Variants in SORCS2 observed in about 807,000 individuals in gnomAD.
SORCS2 encodes VPS10 domain-containing receptor SorCS2.
SORCS2 carries 100 observed loss-of-function variants against 141.6 expected under a neutral mutation model. The observed-to-expected ratio is 0.71, with a 90% CI of 0.60 to 0.83. The LOEUF (loss-of-function observed/expected upper bound fraction) is 0.83, where lower values mean the gene tolerates loss of function less well. Ranked by LOEUF, SORCS2 falls within the 40% of genes least tolerant of loss-of-function variation. SORCS2 has a pLI of 0.00. For synonymous variants in SORCS2, 789 were observed against 676.9 expected, an observed-to-expected ratio of 1.17 and a Z score of -2.57; for missense variants, 1,646 against 1,560.2, an observed-to-expected ratio of 1.05 and a Z score of -0.93.
chr4:7,383,109 G>A lies in SORCS2; in HGVS notation c.481-13179G>A, dbSNP rs990417286. Among the ~76,000 whole-genome samples, 10 of 152,228 alleles carry A rather than the reference G, an allele frequency of 6.6e-5. 1 individual carries two copies. The South Asian group carries it at 1.9e-3, about 28-fold the overall frequency. On this transcript the variant is annotated intron_variant, in intron 1 of 26. Transcript: ENST00000507866. ...TGCCCCGCGGGGCTGCTGAGGGGCG[G>A]ATTTCAAAACAGGGCCTCGTGTCAT...
chr4:7,293,253 G>A (rs1348605664), intron 1 of SORCS2, among the ~76,000 whole-genome samples: 1 of 151,138 alleles, frequency 6.6e-6, no homozygotes, highest in East Asian at 2.0e-4. Flanking sequence ...GCAGTGAGCC[G>A]AGATCGCGCC....
chr4:7,277,525 T>C (rs1223732908), intron 1 of SORCS2, among the ~76,000 whole-genome samples: 2 of 152,154 alleles, frequency 1.3e-5, no homozygotes, highest in Admixed American at 6.5e-5. Flanking sequence ...CCTTTGGGCT[T>C]GGGAATTTCT....
intron 1 of SORCS2, among the ~76,000 whole-genome samples, chr4:7,290,521 C>T (rs1577360133): frequency 6.6e-6 from 1 of 152,166 alleles, no homozygotes; most frequent in Non-Finnish European, 1.5e-5. Context: ...CTTCATTTCT[C>T]CAGGTCTTTA....
chr4:7,529,923 C>T (rs1394525560), intron 2 of SORCS2, among the ~76,000 whole-genome samples: 2 of 152,170 alleles, frequency 1.3e-5, no homozygotes, highest in South Asian at 2.1e-4. Flanking sequence ...CCCCGCCATC[C>T]TGGGGAGGGG....
intron 1 of SORCS2, among the ~76,000 whole-genome samples, chr4:7,259,926 G>T (rs1333999787): frequency 2.0e-5 from 3 of 152,242 alleles, no homozygotes; most frequent in Non-Finnish European, 4.4e-5. Flanking sequence ...AGCCTGTTGG[G>T]CAGGACAGAG....
chr4:7,658,679 C>A (rs1721957588), intron 5 of SORCS2, among the ~76,000 whole-genome samples: 1 of 152,204 alleles, frequency 6.6e-6, no homozygotes. Flanking sequence ...TATGTGGGGT[C>A]TGTGCCACTC....
intron 3 of SORCS2, among the ~76,000 whole-genome samples, chr4:7,536,778 C>G (rs1712157401): frequency 6.8e-6 from 1 of 147,284 alleles, no homozygotes; most frequent in Non-Finnish European, 1.5e-5. Flanking sequence ...CCTCGGTGAT[C>G]ATTTTTGGTG....
chr4:7,213,384 G>T (rs1029382755), intron 1 of SORCS2, among the ~76,000 whole-genome samples: 41 of 152,364 alleles, frequency 2.7e-4, no homozygotes, highest in African/African-American at 9.1e-4. Context: ...GGCAGCCTGG[G>T]GAGGGCTGGA....
chr4:7,386,378 T>C (rs12509656), intron 1 of SORCS2, among the ~76,000 whole-genome samples: 7,593 of 97,890 alleles, frequency 0.078, 1,834 homozygotes, highest in East Asian at 0.59. Flanking sequence ...CAGAAATACA[T>C]GCACACACAC....
At chr4:7,216,307 A>T (rs1438646347) in intron 1 of SORCS2, among the ~76,000 whole-genome samples, 2 of 152,216 alleles carry the variant, frequency 1.3e-5, no homozygotes, top group African/African-American at 4.8e-5. Flanking sequence ...TCCACCGCCC[A>T]GCCCAGCACT....
chr4:7,305,802 G>A (rs1372567518), intron 1 of SORCS2, among the ~76,000 whole-genome samples: 3 of 152,136 alleles, frequency 2.0e-5, no homozygotes, highest in South Asian at 4.1e-4. Flanking sequence ...GCCCGGGCAC[G>A]CCCATACTCT....
intron 14 of SORCS2, among the ~76,000 whole-genome samples, 182 bp from the exon 15 acceptor site, chr4:7,712,551 C>T (rs758627563): frequency 2.0e-5 from 3 of 152,216 alleles, no homozygotes; most frequent in African/African-American, 4.8e-5. Flanking sequence ...CTACAGAGCA[C>T]GTGTGCAGGG....
At chr4:7,434,001 G>T (rs1483235246) in intron 2 of SORCS2, 1 of 1,613,258 alleles carries the variant, frequency 6.2e-7, no homozygotes. Context: ...ACACCTCACA[G>T]GTCACACCGG....
intron 1 of SORCS2, among the ~76,000 whole-genome samples, chr4:7,262,397 TCCATCC>T (rs1714417980): frequency 6.6e-6 from 1 of 150,514 alleles, no homozygotes; most frequent in Non-Finnish European, 1.5e-5. Context: ...CATCCATCCA[TCCATCC>T]ATCCATCCAT....
In SORCS2 at chr4:7,305,277, C is replaced by T. The variant is rs530477431; in HGVS notation, c.481-91011C>T. Among the ~76,000 whole-genome samples, 35 of 152,208 alleles carry T rather than the reference C, an allele frequency of 2.3e-4. No individual in the cohort carries two copies. The East Asian group carries it at 5.0e-3, about 22-fold the overall frequency. On this transcript the variant is annotated intron_variant, in intron 1 of 26. Coordinates refer to ENST00000507866, the MANE Select transcript of SORCS2 (RefSeq NM_020777.3). ...CGATCTGCTGACCTCGTGATCTGCC[C>T]GCCTCGGCCTCCCAAAGTGCTGGGA...
At chr4:7,344,225 G>A (rs987934997) in intron 1 of SORCS2, among the ~76,000 whole-genome samples, 1 of 152,206 alleles carries the variant, frequency 6.6e-6, no homozygotes, top group Admixed American at 6.5e-5. Context: ...GCCTGGGATG[G>A]AAGGTCTCAG....
intron 1 of SORCS2, among the ~76,000 whole-genome samples, chr4:7,262,880 C>T (rs190669268): frequency 3.9e-5 from 6 of 152,336 alleles, no homozygotes; most frequent in Admixed American, 3.3e-4. Flanking sequence ...ACAGCCCAGA[C>T]ATTCTTGGGA....
At chr4:7,367,773 G>A (rs1221215717) in intron 1 of SORCS2, among the ~76,000 whole-genome samples, 2 of 152,200 alleles carry the variant, frequency 1.3e-5, no homozygotes, top group East Asian at 1.9e-4. Context: ...AAATAAACTC[G>A]GGGAAGTGGG....
chr4:7,479,142 G>A (rs141675495), intron 2 of SORCS2, among the ~76,000 whole-genome samples: 1,781 of 151,966 alleles, frequency 0.012, 31 homozygotes, highest in African/African-American at 0.041. Context: ...AGAGTCGGGA[G>A]GAGCCAAACG....
Sources: gnomAD v4.1 joint callset for allele counts (sites outside exome capture counted in the v4.1 genomes callset) on GRCh38, gnomAD v4.1.1 for gene constraint, MANE v1.5 for transcripts, NCBI Gene and HGNC (gene_info 2026-07-23, HGNC 2026-07-21) for gene names.